Variants in SPATA17 observed in about 807,000 individuals in gnomAD.
SPATA17 encodes spermatogenesis associated 17, also known as spermatogenesis-associated protein 17.
SPATA17 carries 53 observed loss-of-function variants against 62.2 expected under a neutral mutation model. That is an observed-to-expected ratio of 0.85 (90% CI 0.68 to 1.07). The LOEUF is 1.07. Ranked by LOEUF, SPATA17 falls within the 50% of genes least tolerant of loss-of-function variation. The pLI is 0.00. For synonymous variants in SPATA17, 146 were observed against 146.8 expected, an observed-to-expected ratio of 0.99 and a Z score of 0.04; for missense variants, 466 against 425.5, an observed-to-expected ratio of 1.10 and a Z score of -0.84.
intron 9 of SPATA17, among the ~76,000 whole-genome samples, chr1:217,816,605 A>G (rs1674723452): frequency 6.6e-6 from 1 of 151,980 alleles, no homozygotes; most frequent in Non-Finnish European, 1.5e-5. Flanking sequence ...TTGCTATTGG[A>G]TACATAATAT....
chr1:217,797,037 C>G (rs1674166733), intron 8 of SPATA17, among the ~76,000 whole-genome samples: 1 of 152,118 alleles, frequency 6.6e-6, no homozygotes, highest in South Asian at 2.1e-4. Flanking sequence ...ATACTTACTA[C>G]AATTGTAAAA....
rs766645844 is a variant in SPATA17, at chr1:217,744,462, CA to C, written c.519+2387del. 3.1e-3 allele frequency among the ~76,000 whole-genome samples: 94 copies of C among 30,598 alleles called. 1 individual carries two copies. The highest frequency in any genetic ancestry group is 0.019 in the Middle Eastern group (1 of 52). 20.1% of individuals were successfully genotyped at this position (30,598 alleles called of 152,430 possible). Reference sequence around the variant, plus strand: ...TGGGCGACAGAGCGAGACTCCGTCTCAAAAAAAAAAAAAAAAAAAAAAAGAA... The same window carrying C: ...TGGGCGACAGAGCGAGACTCCGTCTCAAAAAAAAAAAAAAAAAAAAAAGAA... On this transcript the variant is annotated intron_variant, in intron 6 of 10. Coordinates refer to ENST00000366933, the MANE Select transcript of SPATA17 (RefSeq NM_138796.4).
chr1:217,799,797 A>G (rs1220591192), intron 8 of SPATA17, among the ~76,000 whole-genome samples: 4 of 152,070 alleles, frequency 2.6e-5, no homozygotes, highest in Non-Finnish European at 5.9e-5. Flanking sequence ...TATCTTAACT[A>G]AATTAGATCA....
intron 5 of SPATA17, among the ~76,000 whole-genome samples, chr1:217,732,082 G>T (rs1672413863): frequency 9.0e-6 from 1 of 110,578 alleles, no homozygotes; most frequent in Non-Finnish European, 2.1e-5. Flanking sequence ...AATTACTCCA[G>T]TTTCTCTCTC....
In SPATA17 at chr1:217,867,093, G is replaced by A. The variant is rs1676030495; in HGVS notation, c.*74G>A. The A allele has an allele frequency of 6.6e-6, 1 of 152,110 alleles. No homozygotes were observed. Among genetic ancestry groups the A allele is most frequent in the Non-Finnish European group, 1.5e-5 (1 of 68,020 alleles). 9.4% of individuals were successfully genotyped at this position (152,110 alleles called of 1,614,324 possible). A position where few individuals can be genotyped will look rare whatever the true frequency, so the allele number is the denominator to read the frequency against. ...GTTCTGAAAGGAAAACACAGATGAA[G>A]ATCCTGTAGGAAATATACTTGCTAT... is the stretch of plus-strand genomic sequence containing the variant. On this transcript the variant is annotated 3_prime_UTR_variant, in exon 11 of 11. Transcript: ENST00000366933.
chr1:217,721,957 T>C (rs570032234), intron 5 of SPATA17, among the ~76,000 whole-genome samples: 1 of 152,292 alleles, frequency 6.6e-6, no homozygotes, highest in African/African-American at 2.4e-5. Flanking sequence ...CACAGGATGA[T>C]GCATTATGAT....
chr1:217,787,166 G>C (rs1221818299), intron 8 of SPATA17, among the ~76,000 whole-genome samples: 2 of 151,862 alleles, frequency 1.3e-5, no homozygotes, highest in African/African-American at 2.4e-5. Context: ...TACTATCACT[G>C]TCTTAATTTA....
chr1:217,653,889 T>C (rs1670374297), intron 3 of SPATA17, among the ~76,000 whole-genome samples: 1 of 152,220 alleles, frequency 6.6e-6, no homozygotes, highest in Admixed American at 6.5e-5. Context: ...ATATATTCCA[T>C]ATTCTATCCA....
At chr1:217,656,742 A>T (rs569889758) in intron 3 of SPATA17, among the ~76,000 whole-genome samples, 1 of 152,294 alleles carries the variant, frequency 6.6e-6, no homozygotes, top group South Asian at 2.1e-4. Context: ...TACATTCTTC[A>T]TGTGTGCACC....
At chr1:217,759,995 T>C (rs1260795831) in intron 6 of SPATA17, among the ~76,000 whole-genome samples, 3 of 152,162 alleles carry the variant, frequency 2.0e-5, no homozygotes, top group Admixed American at 1.3e-4. Context: ...GGAAGAACTA[T>C]TTTCTCAAAT....
At chr1:217,779,672 TTTTG>T (rs991646915) in intron 7 of SPATA17, among the ~76,000 whole-genome samples, 17 of 152,188 alleles carry the variant, frequency 1.1e-4, no homozygotes, top group Admixed American at 6.6e-4. Flanking sequence ...TTACATTTTG[TTTTG>T]TTTGTTTGTT....
intron 6 of SPATA17, among the ~76,000 whole-genome samples, chr1:217,743,661 G>A (rs965681628): frequency 4.6e-5 from 7 of 151,898 alleles, no homozygotes; most frequent in African/African-American, 1.7e-4. Flanking sequence ...CCAGGCTGGA[G>A]TACAGTGGCG....
intron 6 of SPATA17, among the ~76,000 whole-genome samples, chr1:217,742,532 T>G (rs781168300): frequency 6.6e-6 from 1 of 152,182 alleles, no homozygotes; most frequent in Non-Finnish European, 1.5e-5. Flanking sequence ...TTGATGGAAG[T>G]TTTCAGGTAA....
chr1:217,800,449 C>G (rs1468215806), intron 8 of SPATA17, among the ~76,000 whole-genome samples: 7 of 151,006 alleles, frequency 4.6e-5, no homozygotes. Flanking sequence ...TTTGGTGCCT[C>G]CCCTTAGCAT....
intron 5 of SPATA17, among the ~76,000 whole-genome samples, chr1:217,689,408 T>C (rs1671297886): frequency 2.0e-5 from 3 of 151,902 alleles, no homozygotes; most frequent in Non-Finnish European, 4.4e-5. Context: ...ATATTTTTAA[T>C]AGAGATGGGG....
chr1:217,717,766 C>G (rs2102931625), intron 5 of SPATA17, among the ~76,000 whole-genome samples: 1 of 152,240 alleles, frequency 6.6e-6, no homozygotes, highest in African/African-American at 2.4e-5. Context: ...GCTGCCTCCT[C>G]TTTGACCCTT....
At chr1:217,703,174 C>CTTTTTTTTTT (rs1203063860) in intron 5 of SPATA17, among the ~76,000 whole-genome samples, 12 of 105,508 alleles carry the variant, frequency 1.1e-4, no homozygotes, top group Admixed American at 9.7e-5. Flanking sequence ...TGCGCTCGGC[C>CTTTTTTTTTT]TTTTTTTTTT....
At chr1:217,803,417 G>T (rs1228662925) in intron 9 of SPATA17, among the ~76,000 whole-genome samples, 1 of 152,088 alleles carries the variant, frequency 6.6e-6, no homozygotes, top group African/African-American at 2.4e-5. Context: ...TAATGTTTCA[G>T]CATACAAAAT....
chr1:217,739,127 AT>A (rs1413119522), intron 5 of SPATA17, among the ~76,000 whole-genome samples: 1 of 152,190 alleles, frequency 6.6e-6, no homozygotes, highest in Non-Finnish European at 1.5e-5. Context: ...AGTTTCAGTA[AT>A]TTTTATCTTT....
Sources: gnomAD v4.1 joint callset for allele counts (sites outside exome capture counted in the v4.1 genomes callset) on GRCh38, gnomAD v4.1.1 for gene constraint, MANE v1.5 for transcripts, NCBI Gene and HGNC (gene_info 2026-07-23, HGNC 2026-07-21) for gene names.